IZUMO4: variants seen among roughly 807,000 people sequenced by gnomAD.
IZUMO4 encodes IZUMO family member 4, also known as izumo sperm-egg fusion protein 4.
In IZUMO4, 51 loss-of-function variants were observed where a neutral mutation model predicts 37.1. The ratio of observed to expected loss-of-function variants is 1.38; its 90% CI spans 1.10 to 1.74. IZUMO4 has a LOEUF of 1.74. Ranked by LOEUF, IZUMO4 falls within the 40% of genes most tolerant of loss-of-function variation. IZUMO4 has a pLI of 0.00. For missense variants in IZUMO4, 364 were observed against 299.6 expected (o/e 1.21, Z -1.59); for synonymous variants, 162 against 121.4 (o/e 1.33, Z -2.20).
At chr19:2,097,826 C>G in intron 3 of IZUMO4, 103 bp from the exon 4 acceptor site, 1 of 1,423,822 alleles carries the variant, frequency 7.0e-7, no homozygotes, top group Non-Finnish European at 9.8e-7. Flanking sequence ...AGCCTGGGCC[C>G]CAGTGCCGAG....
Position 2,097,292 on chromosome 19 carries a change from G to A in IZUMO4, c.258G>A (p.Gln86=). 6.2e-7 allele frequency: 1 copy of A among 1,612,882 alleles called. No homozygotes were observed. The highest frequency in any genetic ancestry group is 8.5e-7 in the Non-Finnish European group (1 of 1,179,926). ...KLDQVATAVY[Q]MMDQLYQGKM... ...ACCAAGTGGCGACAGCAGTGTACCA[G>A]ATGATGGATCAGCTGTACCAGGGGA... is the stretch of plus-strand genomic sequence containing the variant. The change falls in exon 2 of 10, where the codon CAG becomes CAA. Residue 86 remains glutamine (Q), a synonymous_variant. Coordinates refer to ENST00000395301, the MANE Select transcript of IZUMO4 (RefSeq NM_001039846.2).
In IZUMO4 at chr19:2,099,549, A is replaced by G; in HGVS notation, c.*204A>G. ...CATCAGCGCCTGGGCAGGTCCGCAG[A>G]GCTGCGGGATGTGATTAAAGTCCCT... is the stretch of plus-strand genomic sequence containing the variant. On this transcript the variant is annotated 3_prime_UTR_variant, in exon 10 of 10. Coordinates refer to ENST00000395301, the MANE Select transcript of IZUMO4 (RefSeq NM_001039846.2). The G allele has an allele frequency of 1.7e-6, 1 of 584,470 alleles. No individual in the cohort carries two copies. The highest frequency in any genetic ancestry group is 3.1e-6 in the Non-Finnish European group (1 of 325,502). The allele number at this position is 584,470 out of a possible 1,614,324, so 36.2% of individuals were successfully genotyped here. A position where few individuals can be genotyped will look rare whatever the true frequency, so the allele number is the denominator to read the frequency against.
chr19:2,099,002 C>A lies in IZUMO4; in HGVS notation c.581C>A (p.Pro194His). ...CCACGCTCCTCTGCCTTCTCCTGGC[C>A]TGGGACACACAGAGCCACCCCGGCC... ...MRPRSSAFSW[P>H]GTHRATPAFL... The change falls in exon 9 of 10, where the codon CCT (proline) becomes CAT (histidine). Residue 194 changes from proline (P) to histidine (H), a missense_variant. Transcript: ENST00000395301. 1 of 1,613,200 alleles carries A rather than the reference C, an allele frequency of 6.2e-7. No individual in the cohort carries two copies. The highest frequency in any genetic ancestry group is 1.3e-5 in the African/African-American group (1 of 75,058).
intron 2 of IZUMO4, 38 bp downstream of exon 2, chr19:2,097,370 C>T (rs776405351): frequency 8.7e-6 from 14 of 1,604,322 alleles, no homozygotes; most frequent in South Asian, 1.1e-5. Context: ...CCCCCCACCC[C>T]GGGACACCCC....
Position 2,098,621 on chromosome 19 carries a change from C to T in IZUMO4, c.537-166C>T, listed in dbSNP as rs1214468425. 9 of 1,569,274 alleles carry T rather than the reference C, an allele frequency of 5.7e-6. No homozygotes were observed. In the East Asian group the frequency reaches 1.6e-4, roughly 28 times the overall value. On this transcript the variant is annotated intron_variant, in intron 7 of 9. Coordinates refer to ENST00000395301, the MANE Select transcript of IZUMO4 (RefSeq NM_001039846.2). ...AGGAGGCGGCTGCAGTCCTTTTCTC[C>T]CTCAAAGGTCTCCGACCCTCAGCTG...
chr19:2,097,291 A>C lies in IZUMO4; in HGVS notation c.257A>C (p.Gln86Pro). The change falls in exon 2 of 10, where the codon CAG (glutamine) becomes CCG (proline). Residue 86 changes from glutamine to proline, a missense_variant. Physicochemically the swap from Gln to Pro is moderately conservative, Grantham distance 76 (BLOSUM62 -1). Coordinates refer to ENST00000395301, the MANE Select transcript of IZUMO4 (RefSeq NM_001039846.2). Reference protein sequence around the residue: ...KLDQVATAVYQMMDQLYQGKM... With the variant: ...KLDQVATAVYPMMDQLYQGKM... ...GACCAAGTGGCGACAGCAGTGTACC[A>C]GATGATGGATCAGCTGTACCAGGGG... The C allele has an allele frequency of 6.2e-7, 1 of 1,612,814 alleles. No individual in the cohort carries two copies. Among genetic ancestry groups the C allele is most frequent in the Non-Finnish European group, 8.5e-7 (1 of 1,179,918 alleles).
In IZUMO4 at chr19:2,097,468, C is replaced by T. The variant is rs1275248808; in HGVS notation, c.343C>T (p.His115Tyr). The T allele has an allele frequency of 5.0e-6, 8 of 1,612,408 alleles. No homozygotes were observed. The highest frequency in any genetic ancestry group is 6.8e-6 in the Non-Finnish European group (8 of 1,179,548). The change falls in exon 3 of 10, where the codon CAC becomes TAC. Residue 115 changes from histidine (H) to tyrosine (Y), a missense_variant. Transcript: ENST00000395301. The part of the protein sequence containing the change: ...ELRNIFREQV[H>Y]LIQNAIIESR... ...GCGAAACATCTTCCGGGAGCAGGTGCACCTCATCCAGAACGCCATCATCGA... is the reference window on the plus strand; with the variant it reads ...GCGAAACATCTTCCGGGAGCAGGTGTACCTCATCCAGAACGCCATCATCGA...
At chr19:2,098,252 C>T in intron 5 of IZUMO4, 35 bp from the exon 6 acceptor site, 2 of 1,613,384 alleles carry the variant, frequency 1.2e-6, no homozygotes, top group East Asian at 2.2e-5. Flanking sequence ...GCCGTGGGTT[C>T]AGGGGCGCAC....
At chr19:2,098,688 T>C in intron 7 of IZUMO4, 99 bp from the exon 8 acceptor site, 1 of 1,572,208 alleles carries the variant, frequency 6.4e-7, no homozygotes, top group Admixed American at 1.9e-5. Flanking sequence ...AGGGTCTGGT[T>C]CCACCCCATC....
chr19:2,097,743 C>T, intron 3 of IZUMO4, 186 bp from the exon 4 acceptor site: 1 of 749,778 alleles, frequency 1.3e-6, no homozygotes, highest in Non-Finnish European at 2.2e-6. Context: ...AAGTTTGCTC[C>T]ATCTCACGCT....
chr19:2,098,602 CG>C (rs1163897821), intron 7 of IZUMO4, 152 bp downstream of exon 7: 1 of 1,582,556 alleles, frequency 6.3e-7, no homozygotes, highest in African/African-American at 1.3e-5. Context: ...GCGCAGGAGG[CG>C]GCTGCAGTCC....
At position 2,099,298 on chromosome 19, in the gene IZUMO4, G is replaced by T; in HGVS notation, c.652G>T (p.Ala218Ser). Residue 218 changes from alanine to serine, a missense_variant, in exon 10 of 10, where the codon GCC becomes TCC. Transcript: ENST00000395301. ...AAGGTGTCTGGAGCCCCCACACTTG[G>T]CCAACCTGACCTTGGAAGATGCTGC... ...ALRCLEPPHLANLTLEDAAEC... is the reference protein window; with the variant it reads ...ALRCLEPPHLSNLTLEDAAEC... The T allele has an allele frequency of 6.2e-7, 1 of 1,613,554 alleles. No homozygotes were observed. The highest frequency in any genetic ancestry group is 1.3e-5 in the African/African-American group (1 of 75,040).
intron 3 of IZUMO4, 138 bp from the exon 4 acceptor site, chr19:2,097,791 G>A: frequency 9.0e-7 from 1 of 1,107,786 alleles, no homozygotes; most frequent in Non-Finnish European, 1.3e-6. Context: ...CCGGGCCATG[G>A]ACACACATAC....
chr19:2,098,369 T>C (rs376515754), intron 6 of IZUMO4, 35 bp downstream of exon 6: 293 of 1,614,004 alleles, frequency 1.8e-4, no homozygotes, highest in Middle Eastern at 3.3e-4. Context: ...CAAGCTCACC[T>C]GGGCCTGGGA....
In IZUMO4 at chr19:2,099,242, C is replaced by T. The variant is rs769701028; in HGVS notation, c.609-13C>T. ...GGGACATGGAGAGCTGAGGCAGCCT[C>T]GTCTCCCCGCAGCCTGGTATCGCCA... On this transcript the variant is annotated splice_polypyrimidine_tract_variant and intron_variant, in intron 9 of 9. Coordinates refer to ENST00000395301, the MANE Select transcript of IZUMO4 (RefSeq NM_001039846.2). 1.6e-5 allele frequency: 25 copies of T among 1,609,202 alleles called. 1 individual carries two copies. The East Asian group carries it at 2.7e-4, about 17-fold the overall frequency.
At chr19:2,098,394 C>T (rs377369386) in intron 6 of IZUMO4, 42 bp from the exon 7 acceptor site, 304 of 1,613,884 alleles carry the variant, frequency 1.9e-4, no homozygotes, top group Middle Eastern at 3.3e-4. Context: ...ACACTGGCCA[C>T]GGCCACTCGG....
In IZUMO4 at chr19:2,098,856, A is replaced by AG. The variant is rs546438730; in HGVS notation, c.554+58dup. 3.5e-3 allele frequency: 4,189 copies of AG among 1,206,736 alleles called. 12 individuals carry two copies. Among genetic ancestry groups the AG allele is most frequent in the Non-Finnish European group, 4.3e-3 (3,641 of 853,544 alleles). 74.8% of individuals were successfully genotyped at this position (1,206,736 alleles called of 1,614,324 possible). On this transcript the variant is annotated intron_variant, in intron 8 of 9. Transcript: ENST00000395301. ...GGGGGAGGGGGTAAAGGGAGAGAGGAGGGGGGCTAGGGGGTCCTCTAGATC... is the reference window on the plus strand; with the variant it reads ...GGGGGAGGGGGTAAAGGGAGAGAGGAGGGGGGGCTAGGGGGTCCTCTAGATC...
chr19:2,098,525 A>G, intron 7 of IZUMO4, 75 bp downstream of exon 7: 2 of 1,610,104 alleles, frequency 1.2e-6, no homozygotes, highest in Non-Finnish European at 8.5e-7. Context: ...TGTGGGGCAC[A>G]GGCTGGCTCC....
chr19:2,099,493 GA>G lies in IZUMO4; in HGVS notation c.*149del. 1 of 441,186 alleles carries G rather than the reference GA, an allele frequency of 2.3e-6. No homozygotes were observed. The highest frequency in any genetic ancestry group is 4.4e-6 in the Non-Finnish European group (1 of 227,830). The allele number at this position is 441,186 out of a possible 1,614,324, so 27.3% of individuals were successfully genotyped here. On this transcript the variant is annotated 3_prime_UTR_variant, in exon 10 of 10. Coordinates refer to ENST00000395301, the MANE Select transcript of IZUMO4 (RefSeq NM_001039846.2). ...GAGCTGGCCAGGGCCAGGAGGGCGG[GA>G]GGGAGGGAATGGGGGTGGGCTGTGC...
Sources: allele counts gnomAD v4.1 joint callset, GRCh38; gene constraint gnomAD v4.1.1; transcripts MANE v1.5; gene names NCBI Gene and HGNC (gene_info 2026-07-23, HGNC 2026-07-21).